The following NCKAP5 variants were observed in gnomAD, a reference collection of about 807,000 sequenced individuals.
The protein encoded by NCKAP5 is NCK associated protein 5, also known as nck-associated protein 5.
In NCKAP5, 92 loss-of-function variants were observed where a neutral mutation model predicts 167.0. The observed-to-expected ratio is 0.55, with a 90% CI of 0.47 to 0.66. NCKAP5 has a LOEUF of 0.66. Among genes scored for constraint, NCKAP5 ranks in the 30% least tolerant of loss-of-function variants. The pLI, the probability that NCKAP5 is intolerant of heterozygous loss-of-function variation, is 0.00. For missense variants in NCKAP5, 2,378 were observed against 2,315.0 expected (o/e 1.03, Z -0.56); for synonymous variants, 891 against 877.4 (o/e 1.02, Z -0.27).
At chr2:133,183,956 T>C (rs910378787) in intron 5 of NCKAP5, among the ~76,000 whole-genome samples, 1 of 152,172 alleles carries the variant, frequency 6.6e-6, no homozygotes, top group African/African-American at 2.4e-5. Context: ...TTTATATTTT[T>C]ATTTTTATTT....
At chr2:133,655,638 CA>C in the NCKAP5 span, among the ~76,000 whole-genome samples, 1 of 152,168 alleles carries the variant, frequency 6.6e-6, no homozygotes, top group Non-Finnish European at 1.5e-5. Flanking sequence ...AATCTGACCT[CA>C]AAGGGTACTA....
At chr2:132,796,849 T>C in intron 11 of NCKAP5, 120 bp from the exon 12 acceptor site, 1 of 671,544 alleles carries the variant, frequency 1.5e-6, no homozygotes, top group South Asian at 2.0e-5. Context: ...ATACATGTCC[T>C]AATTAAAAAA....
At chr2:132,688,054 A>T (rs1686198457) in intron 19 of NCKAP5, among the ~76,000 whole-genome samples, 1 of 152,224 alleles carries the variant, frequency 6.6e-6, no homozygotes. Flanking sequence ...CTTCCATCCC[A>T]TATGATGATG....
chr2:133,532,185 T>A (rs1347045), intron 2 of NCKAP5, among the ~76,000 whole-genome samples: 40,543 of 152,152 alleles, frequency 0.27, 7,432 homozygotes, highest in African/African-American at 0.5. Flanking sequence ...AGTTTATTTT[T>A]AAATACTTTA....
intron 5 of NCKAP5, among the ~76,000 whole-genome samples, chr2:133,158,546 C>T (rs1382123011): frequency 6.6e-6 from 1 of 152,160 alleles, no homozygotes; most frequent in Non-Finnish European, 1.5e-5. Flanking sequence ...GCTACCTACT[C>T]TAAGACTAGC....
At chr2:133,340,159 T>G (rs1683474965) in intron 3 of NCKAP5, among the ~76,000 whole-genome samples, 1 of 152,196 alleles carries the variant, frequency 6.6e-6, no homozygotes, top group African/African-American at 2.4e-5. Flanking sequence ...ACGGAATCAT[T>G]TAAGAATTAC....
At chr2:133,603,590 G>A in the NCKAP5 span, among the ~76,000 whole-genome samples, 1 of 151,564 alleles carries the variant, frequency 6.6e-6, no homozygotes, top group Non-Finnish European at 1.5e-5. Flanking sequence ...TGCCCAGGCT[G>A]TGCAATGGCA....
rs376482725 is a variant in NCKAP5 at position 133,129,993 on chromosome 2, T to C, written c.326A>G (p.Gln109Arg). Reference sequence around the variant, plus strand: ...AGAACAATACCTGGAGAACTGCTGCTGCAAGCTACGCATCTGAATTCTGTT... The same window carrying C: ...AGAACAATACCTGGAGAACTGCTGCCGCAAGCTACGCATCTGAATTCTGTT... ...ERNRIQMRSL[Q>R]QQFSRMEETV... Residue 109 changes from glutamine to arginine, a missense_variant, in exon 6 of 20, where the codon CAG becomes CGG. Physicochemically the swap from Gln to Arg is conservative, Grantham distance 43. Transcript: ENST00000409261. The C allele has an allele frequency of 7.5e-6, 12 of 1,607,114 alleles. No homozygotes were observed. The African/African-American group carries it at 1.3e-4, about 18-fold the overall frequency.
intron 16 of NCKAP5, among the ~76,000 whole-genome samples, chr2:132,771,378 C>A (rs1381537555): frequency 6.6e-6 from 1 of 151,974 alleles, no homozygotes; most frequent in Non-Finnish European, 1.5e-5. Context: ...TTTTGTGCAG[C>A]TCTACAATGT....
intron 19 of NCKAP5, among the ~76,000 whole-genome samples, chr2:132,722,438 G>A (rs928588758): frequency 3.9e-5 from 6 of 152,260 alleles, no homozygotes; most frequent in African/African-American, 9.6e-5. Flanking sequence ...CTTCTAAGAC[G>A]CCATGCTCCC....
chr2:133,598,906 T>TC, the NCKAP5 span, among the ~76,000 whole-genome samples: 1 of 152,212 alleles, frequency 6.6e-6, no homozygotes, highest in African/African-American at 2.4e-5. Context: ...CCCAGCCCCA[T>TC]CCTAGCTTCT....
intron 15 of NCKAP5, among the ~76,000 whole-genome samples, chr2:132,774,540 T>C (rs1342792376): frequency 6.6e-6 from 1 of 151,952 alleles, no homozygotes; most frequent in Non-Finnish European, 1.5e-5. Flanking sequence ...AGGCACTAGA[T>C]TGGGCAGCAT....
intron 3 of NCKAP5, among the ~76,000 whole-genome samples, chr2:133,448,088 T>A (rs943475374): frequency 2.0e-5 from 3 of 152,194 alleles, no homozygotes; most frequent in Non-Finnish European, 4.4e-5. Context: ...GGGCTGATCA[T>A]GTCCTAAGTC....
chr2:133,226,567 G>A (rs1017211441), intron 4 of NCKAP5, among the ~76,000 whole-genome samples: 1 of 148,928 alleles, frequency 6.7e-6, no homozygotes, highest in Non-Finnish European at 1.5e-5. Context: ...AATCCGACAG[G>A]AGTGGAGTTC....
intron 11 of NCKAP5, among the ~76,000 whole-genome samples, chr2:132,857,822 C>T (rs2095162349): frequency 6.6e-6 from 1 of 152,122 alleles, no homozygotes; most frequent in African/African-American, 2.4e-5. Context: ...CATCATGGAC[C>T]TGGCTCCCTT....
At chr2:132,745,977 A>G (rs1679605000) in intron 16 of NCKAP5, among the ~76,000 whole-genome samples, 1 of 152,108 alleles carries the variant, frequency 6.6e-6, no homozygotes, top group Non-Finnish European at 1.5e-5. Context: ...AGAAGACTCA[A>G]AATTGTTCGG....
intron 6 of NCKAP5, among the ~76,000 whole-genome samples, chr2:133,066,300 T>C (rs1024297571): frequency 6.6e-6 from 1 of 152,222 alleles, no homozygotes; most frequent in Non-Finnish European, 1.5e-5. Flanking sequence ...TTTCTCTTTG[T>C]TTTCAATAAG....
At chr2:133,346,870 T>G (rs896953939) in intron 3 of NCKAP5, among the ~76,000 whole-genome samples, 2 of 152,192 alleles carry the variant, frequency 1.3e-5, no homozygotes, top group Non-Finnish European at 2.9e-5. Flanking sequence ...GCAGAAGACT[T>G]GAGTCATTTT....
intron 7 of NCKAP5, among the ~76,000 whole-genome samples, chr2:132,979,534 C>T (rs1210623007): frequency 2.0e-5 from 3 of 152,152 alleles, no homozygotes; most frequent in African/African-American, 7.2e-5. Context: ...CTCCTCAGAG[C>T]CCCGAGAGGT....
Sources: allele counts gnomAD v4.1 joint callset (sites outside exome capture counted in the v4.1 genomes callset), GRCh38; gene constraint gnomAD v4.1.1; transcripts MANE v1.5; gene names NCBI Gene and HGNC (gene_info 2026-07-23, HGNC 2026-07-21).